PATJ: variants seen among roughly 807,000 people sequenced by gnomAD.
The protein encoded by PATJ is PATJ crumbs cell polarity complex component.
A neutral mutation model predicts 224.9 loss-of-function variants in PATJ; 190 were observed. That is an observed-to-expected ratio of 0.84 (90% CI 0.75 to 0.95). PATJ has a LOEUF of 0.95. PATJ is among the 40% of genes least tolerant of loss of function. PATJ has a pLI of 0.00. For missense variants in PATJ, 2,121 were observed against 2,270.3 expected, an observed-to-expected ratio of 0.93 and a Z score of 1.34; for synonymous variants, 769 against 820.3, an observed-to-expected ratio of 0.94 and a Z score of 1.07.
At chr1:61,848,232 T>C (rs1298629567) in intron 17 of PATJ, among the ~76,000 whole-genome samples, 1 of 152,202 alleles carries the variant, frequency 6.6e-6, no homozygotes, top group African/African-American at 2.4e-5. Context: ...ACTCTACACA[T>C]CCAGGTGGGG....
intron 18 of PATJ, among the ~76,000 whole-genome samples, chr1:61,861,301 T>TTTTTTTTTTTTTG (rs1664548880): frequency 7.0e-6 from 1 of 143,884 alleles, no homozygotes; most frequent in Non-Finnish European, 1.5e-5. Flanking sequence ...TTTTTTTTTT[T>TTTTTTTTTTTTTG]TTTTTTACGT....
chr1:61,798,385 A>T (rs1651787826), intron 11 of PATJ, among the ~76,000 whole-genome samples: 1 of 151,570 alleles, frequency 6.6e-6, no homozygotes, highest in African/African-American at 2.4e-5. Flanking sequence ...TTTTGTAGAG[A>T]TGGGGTCTCT....
intron 33 of PATJ, among the ~76,000 whole-genome samples, chr1:62,099,405 G>A (rs1300435748): frequency 8.3e-6 from 1 of 119,906 alleles, no homozygotes; most frequent in Non-Finnish European, 1.6e-5. Flanking sequence ...CTTGTTAGGA[G>A]GGACTTTTCC....
At chr1:62,022,703 G>A (rs151212830) in intron 29 of PATJ, among the ~76,000 whole-genome samples, 10 of 152,272 alleles carry the variant, frequency 6.6e-5, no homozygotes, top group African/African-American at 2.2e-4. Flanking sequence ...ATTACATGTG[G>A]AAAATGTGTA....
chr1:62,037,876 G>C (rs1650733945), intron 29 of PATJ, 101 bp from the exon 30 acceptor site: 1 of 518,048 alleles, frequency 1.9e-6, no homozygotes, highest in African/African-American at 2.0e-5. Flanking sequence ...CTATGATGCT[G>C]TGTGTGCATT....
At chr1:61,804,091 T>G (rs752152041) in intron 12 of PATJ, among the ~76,000 whole-genome samples, 9 of 152,178 alleles carry the variant, frequency 5.9e-5, no homozygotes, top group Non-Finnish European at 5.9e-5. Flanking sequence ...AAGTTTAGAA[T>G]TCAACAAATA....
chr1:61,877,890 C>T (rs140375669), intron 21 of PATJ, among the ~76,000 whole-genome samples: 106 of 152,308 alleles, frequency 7.0e-4, no homozygotes, highest in Non-Finnish European at 1.3e-3. Flanking sequence ...TACAGAGGCC[C>T]TACAGGACTC....
Position 61,970,792 on chromosome 1 carries a change from C to A in PATJ, c.3671-19376C>A, listed in dbSNP as rs564411380. Among the ~76,000 whole-genome samples, 12 of 152,300 alleles carry A rather than the reference C, an allele frequency of 7.9e-5. No individual in the cohort carries two copies. In the East Asian group the frequency reaches 2.3e-3, roughly 29 times the overall value. ...ATAGGTGTGAGCCACCACACCTGGC[C>A]ACTCAAGAGGTTAACTTTTAATCCA... On this transcript the variant is annotated intron_variant, in intron 27 of 43. Coordinates refer to ENST00000642238, the MANE Select transcript of PATJ (RefSeq NM_001350145.3).
At chr1:62,056,772 C>T (rs1364418442) in intron 31 of PATJ, among the ~76,000 whole-genome samples, 1 of 152,118 alleles carries the variant, frequency 6.6e-6, no homozygotes, top group Non-Finnish European at 1.5e-5. Flanking sequence ...AAGAGCAAAA[C>T]TCCATCTCAA....
intron 30 of PATJ, among the ~76,000 whole-genome samples, chr1:62,049,898 C>A (rs1218119677): frequency 6.6e-6 from 1 of 152,044 alleles, no homozygotes; most frequent in Non-Finnish European, 1.5e-5. Flanking sequence ...GCAGGCAGAT[C>A]ACTTGACGTC....
At chr1:62,033,669 A>G (rs1202528716) in intron 29 of PATJ, among the ~76,000 whole-genome samples, 1 of 152,104 alleles carries the variant, frequency 6.6e-6, no homozygotes, top group Admixed American at 6.6e-5. Flanking sequence ...CACCCCAAGA[A>G]ATGGCCCTTA....
chr1:62,039,203 G>A, intron 30 of PATJ: 1 of 460,006 alleles, frequency 2.2e-6, no homozygotes, highest in Non-Finnish European at 4.2e-6. Context: ...CCAGTAGTTA[G>A]GCCATTCATT....
chr1:61,950,263 AGTG>A (rs1679447034), intron 27 of PATJ, among the ~76,000 whole-genome samples: 2 of 152,192 alleles, frequency 1.3e-5, no homozygotes, highest in African/African-American at 4.8e-5. Flanking sequence ...TTTTTTTGAC[AGTG>A]ATGGCGTTTG....
At chr1:62,049,405 G>A (rs1653176705) in intron 30 of PATJ, among the ~76,000 whole-genome samples, 1 of 152,006 alleles carries the variant, frequency 6.6e-6, no homozygotes, top group African/African-American at 2.4e-5. Flanking sequence ...CCATTTGATA[G>A]TTGAAAGAAT....
intron 14 of PATJ, among the ~76,000 whole-genome samples, chr1:61,817,312 C>G (rs980216795): frequency 6.6e-6 from 1 of 152,186 alleles, no homozygotes; most frequent in Non-Finnish European, 1.5e-5. Flanking sequence ...AGAGAACTTT[C>G]AATTTACTAC....
chr1:61,980,469 GT>G lies in PATJ; in HGVS notation c.3671-9698del, dbSNP rs1557983887. ...TGTGTGTGTGTGTGTGTGTGTGTGT[GT>G]GTGTGTGTGGTATGCATTTTCATAT... On this transcript the variant is annotated intron_variant, in intron 27 of 43. Transcript: ENST00000642238. Among the ~76,000 whole-genome samples the G allele has an allele frequency of 3.5e-4, 48 of 137,734 alleles. No homozygotes were observed. The East Asian group carries it at 3.6e-3, about 10-fold the overall frequency. 90.4% of individuals were successfully genotyped at this position (137,734 alleles called of 152,430 possible).
chr1:61,885,619 C>T (rs1668708871), intron 22 of PATJ, among the ~76,000 whole-genome samples: 3 of 152,246 alleles, frequency 2.0e-5, no homozygotes, highest in Admixed American at 6.5e-5. Flanking sequence ...GTCAGTGTGG[C>T]GATTCCTCAG....
chr1:62,113,010 T>A (rs1664036868), intron 34 of PATJ, among the ~76,000 whole-genome samples: 1 of 152,162 alleles, frequency 6.6e-6, no homozygotes, highest in South Asian at 2.1e-4. Flanking sequence ...AATAACAATA[T>A]CTATTTCAGA....
intron 7 of PATJ, 81 bp from the exon 8 acceptor site, chr1:61,787,673 A>G (rs963965204): frequency 4.8e-6 from 5 of 1,050,458 alleles, no homozygotes; most frequent in Non-Finnish European, 7.2e-6. Flanking sequence ...ATTTTGCCAG[A>G]GCTGAAAGTC....
Sources: allele counts gnomAD v4.1 joint callset (sites outside exome capture counted in the v4.1 genomes callset), GRCh38; gene constraint gnomAD v4.1.1; transcripts MANE v1.5; gene names NCBI Gene and HGNC (gene_info 2026-07-23, HGNC 2026-07-21).